Variants in MICAL3 observed in about 807,000 individuals in gnomAD.
MICAL3 encodes [F-actin]-monooxygenase MICAL3.
A neutral mutation model predicts 207.4 loss-of-function variants in MICAL3; 62 were observed. The observed-to-expected ratio is 0.30, with a 90% CI of 0.24 to 0.37. The LOEUF (loss-of-function observed/expected upper bound fraction) is 0.37, where lower values mean the gene tolerates loss of function less well. Ranked by LOEUF, MICAL3 falls within the 10% of genes least tolerant of loss-of-function variation. MICAL3 has a pLI of 1.00. For missense variants in MICAL3, 2,368 were observed against 2,635.6 expected (o/e 0.90, Z 2.22); for synonymous variants, 1,077 against 1,069.3 (o/e 1.01, Z -0.14).
intron 2 of MICAL3, among the ~76,000 whole-genome samples, 165 bp downstream of exon 2, chr22:17,906,384 T>G (rs933514557): frequency 1.3e-5 from 2 of 152,184 alleles, no homozygotes; most frequent in African/African-American, 4.8e-5. Context: ...TCCTCCTCTT[T>G]GGCACCTGGA....
intron 21 of MICAL3, among the ~76,000 whole-genome samples, chr22:17,830,301 C>T (rs958859760): frequency 2.6e-5 from 4 of 152,202 alleles, no homozygotes; most frequent in Non-Finnish European, 5.9e-5. Flanking sequence ...GCGCTAGGGA[C>T]ACAGGCTCCG....
chr22:17,914,679 T>C (rs941805422), intron 1 of MICAL3, among the ~76,000 whole-genome samples: 4 of 152,218 alleles, frequency 2.6e-5, no homozygotes, highest in Non-Finnish European at 5.9e-5. Flanking sequence ...CTTTTTCTCC[T>C]CATGATTTAT....
chr22:17,953,915 A>G (rs1934470530), intron 1 of MICAL3, among the ~76,000 whole-genome samples: 1 of 134,606 alleles, frequency 7.4e-6, no homozygotes, highest in Non-Finnish European at 1.6e-5. Context: ...CAGGTGACAG[A>G]GTAAGACTCC....
chr22:17,931,984 G>T (rs546186792), intron 1 of MICAL3, among the ~76,000 whole-genome samples: 1 of 152,180 alleles, frequency 6.6e-6, no homozygotes, highest in South Asian at 2.1e-4. Context: ...GGAGCTTACC[G>T]TCTAGTGGAA....
At chr22:17,959,477 G>A (rs959117116) in intron 1 of MICAL3, among the ~76,000 whole-genome samples, 4 of 151,944 alleles carry the variant, frequency 2.6e-5, no homozygotes, top group Non-Finnish European at 5.9e-5. Flanking sequence ...ACCAGGCCCG[G>A]CTAATTTTTG....
At chr22:17,936,554 C>T (rs1424289481) in intron 1 of MICAL3, among the ~76,000 whole-genome samples, 1 of 149,960 alleles carries the variant, frequency 6.7e-6, no homozygotes, top group Non-Finnish European at 1.5e-5. Context: ...TGCACATGTA[C>T]CCTAGAACTT....
intron 25 of MICAL3, 56 bp downstream of exon 25, chr22:17,821,371 G>T: frequency 1.4e-6 from 2 of 1,438,818 alleles, no homozygotes; most frequent in Non-Finnish European, 1.9e-6. Flanking sequence ...AAGTTAATAT[G>T]TGTCCTTGGG....
At chr22:17,810,900 G>A (rs1160361403) in intron 27 of MICAL3, 87 bp from the exon 28 acceptor site, 1 of 1,037,640 alleles carries the variant, frequency 9.6e-7, no homozygotes, top group Non-Finnish European at 1.5e-6. Flanking sequence ...GCCTGGAGAG[G>A]TCTGTCCCCC....
At chr22:17,876,762 G>A (rs1357964636) in intron 16 of MICAL3, 3 of 146,104 alleles carry the variant, frequency 2.1e-5, no homozygotes, top group Admixed American at 2.0e-4. Context: ...GGTTAAGGAG[G>A]TTAGGGAAGT....
intron 21 of MICAL3, among the ~76,000 whole-genome samples, chr22:17,829,890 C>T (rs1185893200): frequency 4.1e-5 from 5 of 122,948 alleles, no homozygotes; most frequent in Non-Finnish European, 9.0e-5. Context: ...TTACTTTGCG[C>T]CTGACTGTCT....
chr22:17,955,117 T>A (rs1934551183), intron 1 of MICAL3, among the ~76,000 whole-genome samples: 1 of 152,212 alleles, frequency 6.6e-6, no homozygotes, highest in African/African-American at 2.4e-5. Flanking sequence ...GGATTCTTGT[T>A]AAGGATTAAA....
At chr22:17,964,230 G>T (rs1259801846) in intron 1 of MICAL3, among the ~76,000 whole-genome samples, 4 of 151,640 alleles carry the variant, frequency 2.6e-5, no homozygotes, top group Admixed American at 2.6e-4. Flanking sequence ...AGCTCAAGAG[G>T]AAGAAGGCCA....
At chr22:18,022,204 G>A (rs1411077540) in intron 1 of MICAL3, among the ~76,000 whole-genome samples, 7 of 152,080 alleles carry the variant, frequency 4.6e-5, no homozygotes, top group South Asian at 2.1e-4. Context: ...ACTTTTTGCC[G>A]CCCACCCCCA....
At chr22:17,836,233 C>T (rs915617697) in intron 20 of MICAL3, among the ~76,000 whole-genome samples, 3 of 152,218 alleles carry the variant, frequency 2.0e-5, no homozygotes, top group Admixed American at 6.5e-5. Flanking sequence ...TCAAGAGGGG[C>T]GGATCCGAGG....
At position 17,791,295 on chromosome 22, in the gene MICAL3, C is replaced by T. The variant is rs2061821579; in HGVS notation, c.5657G>A (p.Gly1886Asp). ...EKALRGEAGM[G>D]KKDDPKLMQE... ...CATCAGCTTGGGGTCGTCCTTCTTG[C>T]CCATGCCTGCCGAGAGAACGCTTGT... Residue 1886 changes from glycine to aspartate, a missense_variant, in exon 30 of 32, where the codon GGC becomes GAC. Physicochemically the swap from Gly to Asp is moderately conservative, Grantham distance 94 (BLOSUM62 -1). Coordinates refer to ENST00000441493, the MANE Select transcript of MICAL3 (RefSeq NM_015241.3). 6.2e-7 allele frequency: 1 copy of T among 1,612,882 alleles called. No individual in the cohort carries two copies.
intron 29 of MICAL3, among the ~76,000 whole-genome samples, chr22:17,802,198 A>T (rs908205613): frequency 6.6e-6 from 1 of 151,872 alleles, no homozygotes; most frequent in Non-Finnish European, 1.5e-5. Flanking sequence ...TAGTAGATGG[A>T]ACTACAGGCA....
In MICAL3 at chr22:17,792,418, G is replaced by A. The variant is rs181532384; in HGVS notation, c.5651-1117C>T. Among the ~76,000 whole-genome samples, 7 of 152,298 alleles carry A rather than the reference G, an allele frequency of 4.6e-5. No individual in the cohort carries two copies. In the East Asian group the frequency reaches 5.8e-4, roughly 13 times the overall value. On this transcript the variant is annotated intron_variant, in intron 29 of 31. Coordinates refer to ENST00000441493, the MANE Select transcript of MICAL3 (RefSeq NM_015241.3). ...GGCCTCAGGTTAAGGGGCACTAGAC[G>A]GGGACATCTTTCAGAGGCCCTTGCA...
At chr22:17,798,461 G>GA (rs1432494802) in intron 29 of MICAL3, among the ~76,000 whole-genome samples, 1 of 152,176 alleles carries the variant, frequency 6.6e-6, no homozygotes, top group African/African-American at 2.4e-5. Context: ...GGACAGGAAA[G>GA]AGGCTCGCTT....
intron 1 of MICAL3, among the ~76,000 whole-genome samples, chr22:17,927,112 G>A (rs944365629): frequency 3.3e-5 from 5 of 152,030 alleles, no homozygotes; most frequent in African/African-American, 1.2e-4. Context: ...TCAGCCCATG[G>A]TTGTCACCAT....
Sources: allele counts gnomAD v4.1 joint callset (sites outside exome capture counted in the v4.1 genomes callset), GRCh38; gene constraint gnomAD v4.1.1; transcripts MANE v1.5; gene names NCBI Gene and HGNC (gene_info 2026-07-23, HGNC 2026-07-21).